The following ANKRD28 variants were observed in gnomAD, a reference collection of about 807,000 sequenced individuals.
ANKRD28 encodes the protein serine/threonine-protein phosphatase 6 regulatory ankyrin repeat subunit A.
Under a neutral mutation model 126.5 loss-of-function variants are expected in ANKRD28, and 44 were observed. That is an observed-to-expected ratio of 0.35 (90% CI 0.27 to 0.45). ANKRD28 has a LOEUF of 0.45. Among genes scored for constraint, ANKRD28 ranks in the 20% least tolerant of loss-of-function variants. ANKRD28 has a pLI of 1.00. For missense variants in ANKRD28, 1,110 were observed against 1,316.6 expected, an observed-to-expected ratio of 0.84 and a Z score of 2.43; for synonymous variants, 442 against 468.5, an observed-to-expected ratio of 0.94 and a Z score of 0.73.
chr3:15,761,042 C>T (rs1181058069), intron 3 of ANKRD28, among the ~76,000 whole-genome samples: 3 of 151,762 alleles, frequency 2.0e-5, no homozygotes, highest in Admixed American at 1.3e-4. Flanking sequence ...TAATCTCAAT[C>T]TTTCTATTTT....
intron 2 of ANKRD28, among the ~76,000 whole-genome samples, chr3:15,784,281 A>C (rs962423562): frequency 2.0e-5 from 3 of 152,054 alleles, no homozygotes; most frequent in Non-Finnish European, 4.4e-5. Flanking sequence ...TTTGTTCAAA[A>C]TAATGGCAGC....
rs920768782 is a variant in ANKRD28, at chr3:15,683,433, T to A, written c.2389+1793A>T. Reference sequence around the variant, plus strand: ...GTCTCTGGCCACTTCACTACACTCATTTCTACTTGCCTTAGCGAGTAGAAA... The same window carrying A: ...GTCTCTGGCCACTTCACTACACTCAATTCTACTTGCCTTAGCGAGTAGAAA... On this transcript the variant is annotated intron_variant, in intron 21 of 27. Coordinates refer to ENST00000683139, the MANE Select transcript of ANKRD28 (RefSeq NM_001349278.2). Among the ~76,000 whole-genome samples the A allele has an allele frequency of 2.6e-5, 4 of 152,310 alleles. No homozygotes were observed. The East Asian group carries it at 7.7e-4, about 29-fold the overall frequency.
At chr3:15,800,566 C>T (rs571081158), upstream of ANKRD28, among the ~76,000 whole-genome samples, 1 of 152,184 alleles carries the variant, frequency 6.6e-6, no homozygotes, top group Admixed American at 6.6e-5. Flanking sequence ...AGATTAATGT[C>T]TGGAGATCCC....
chr3:15,728,194 G>A (rs1369898411), intron 6 of ANKRD28, among the ~76,000 whole-genome samples: 5 of 151,728 alleles, frequency 3.3e-5, no homozygotes, highest in Non-Finnish European at 7.4e-5. Context: ...TAAGAACACT[G>A]AAAATTAATA....
At chr3:15,784,643 C>G (rs2059691541) in intron 2 of ANKRD28, among the ~76,000 whole-genome samples, 1 of 151,474 alleles carries the variant, frequency 6.6e-6, no homozygotes, top group Non-Finnish European at 1.5e-5. Flanking sequence ...AAATGATAAA[C>G]AGTAATCCAC....
rs903871832 is a variant in ANKRD28 at position 15,830,616 on chromosome 3, A to C, written c.27+28761T>G. Among the ~76,000 whole-genome samples the C allele has an allele frequency of 3.6e-4, 54 of 151,778 alleles. No homozygotes were observed. Among genetic ancestry groups the C allele is most frequent in the African/African-American group, 1.3e-3 (53 of 41,332 alleles). Reference sequence around the variant, plus strand: ...ATCCACGGAAAAATTGTCTTCCACGAAACTGGTCCCTGGTGCCAAAAACAC... The same window carrying C: ...ATCCACGGAAAAATTGTCTTCCACGCAACTGGTCCCTGGTGCCAAAAACAC... On this transcript the variant is annotated intron_variant, in intron 1 of 27. Transcript: ENST00000399451. This position sits in a 1 kb window ranked among gnomAD's most constrained non-coding sequence, Gnocchi z 4.5.
chr3:15,670,857 C>A (rs1413589870), intron 27 of ANKRD28, among the ~76,000 whole-genome samples: 5 of 152,056 alleles, frequency 3.3e-5, no homozygotes, highest in Non-Finnish European at 1.5e-5. Context: ...AAAAACTGGG[C>A]TAGAATAAGA....
rs960697776 is a variant in ANKRD28, at chr3:15,669,300, A to G, written c.*970T>C. The stretch of plus-strand genomic sequence containing the variant: ...CCCATGGTGGGGACACAAAAGTAAC[A>G]TAAGTGACTAAGGTGTGCCATTCAT... On this transcript the variant is annotated 3_prime_UTR_variant, in exon 28 of 28. Transcript: ENST00000683139. 2 of 152,218 alleles carry G rather than the reference A, an allele frequency of 1.3e-5. No homozygotes were observed. The highest frequency in any genetic ancestry group is 6.5e-5 in the Admixed American group (1 of 15,278). The allele number at this position is 152,218 out of a possible 1,614,324, so 9.4% of individuals were successfully genotyped here.
chr3:15,767,636 G>A (rs1219430322), intron 2 of ANKRD28, among the ~76,000 whole-genome samples: 16 of 141,928 alleles, frequency 1.1e-4, no homozygotes, highest in East Asian at 2.3e-4. Context: ...CTGAGGTGGC[G>A]GGTGGATCAC....
intron 5 of ANKRD28, 94 bp downstream of exon 5, chr3:15,736,939 T>C: frequency 8.0e-7 from 1 of 1,245,262 alleles, no homozygotes; most frequent in South Asian, 1.3e-5. Flanking sequence ...TAAATAGTTC[T>C]GTATGCCTTT....
rs1232833213 is a variant in ANKRD28, at chr3:15,803,898, T to C, written c.28-8592A>G. Among the ~76,000 whole-genome samples the C allele has an allele frequency of 4.1e-5, 6 of 144,982 alleles. 1 individual carries two copies. Among genetic ancestry groups the C allele is most frequent in the Non-Finnish European group, 8.9e-5 (6 of 67,124 alleles). On this transcript the variant is annotated intron_variant, in intron 1 of 27. Coordinates refer to the ANKRD28 transcript ENST00000399451. ...CCCATTATCTTAGCATCTACCCTCA[T>C]GACTTCTAAATGAAATGTTAAATCC...
intron 8 of ANKRD28, among the ~76,000 whole-genome samples, chr3:15,717,651 A>T (rs2073227131): frequency 6.6e-6 from 1 of 152,202 alleles, no homozygotes; most frequent in Admixed American, 6.5e-5. Flanking sequence ...TTAGGTTTAA[A>T]TTTCAAAACA....
At chr3:15,728,749 GT>G (rs2074369382) in intron 6 of ANKRD28, among the ~76,000 whole-genome samples, 1 of 152,130 alleles carries the variant, frequency 6.6e-6, no homozygotes, top group Admixed American at 6.5e-5. Context: ...TCTTGGGCTT[GT>G]TTCTTCAGAA....
In ANKRD28 at chr3:15,670,430, T is replaced by C. The variant is rs1230629747; in HGVS notation, c.3092A>G (p.Asn1031Ser). Residue 1031 changes from asparagine to serine, a missense_variant, in exon 28 of 28, where the codon AAC becomes AGC. Coordinates refer to ENST00000683139, the MANE Select transcript of ANKRD28 (RefSeq NM_001349278.2). ...PLSSLTFNAINRYTNTSKTVS... is the reference protein window; with the variant it reads ...PLSSLTFNAISRYTNTSKTVS... ...TGTTTTTGAGGTGTTGGTATAACGGTTAATGGCATTGAATGTTAAGGATGA... is the reference window on the plus strand; with the variant it reads ...TGTTTTTGAGGTGTTGGTATAACGGCTAATGGCATTGAATGTTAAGGATGA... 1 of 1,613,880 alleles carries C rather than the reference T, an allele frequency of 6.2e-7. No individual in the cohort carries two copies. The highest frequency in any genetic ancestry group is 2.2e-5 in the East Asian group (1 of 44,898).
chr3:15,726,227 A>T (rs754274453), intron 6 of ANKRD28, among the ~76,000 whole-genome samples: 3 of 152,176 alleles, frequency 2.0e-5, no homozygotes, highest in Non-Finnish European at 2.9e-5. Flanking sequence ...TTTAAATCAA[A>T]AGCTAGAAAT....
intron 4 of ANKRD28, among the ~76,000 whole-genome samples, chr3:15,744,318 TTTC>T (rs1418747191): frequency 2.6e-5 from 4 of 152,190 alleles, no homozygotes; most frequent in African/African-American, 7.2e-5. Context: ...TAGTTATCTT[TTTC>T]TTTTTTTTTT....
In ANKRD28 at chr3:15,797,577, G is replaced by GA; in HGVS notation, c.-1057dup. 2 of 983,482 alleles carry GA rather than the reference G, an allele frequency of 2.0e-6. No individual in the cohort carries two copies. The highest frequency in any genetic ancestry group is 2.4e-6 in the Non-Finnish European group (2 of 828,608). 60.9% of individuals were successfully genotyped at this position (983,482 alleles called of 1,614,324 possible). A position where few individuals can be genotyped will look rare whatever the true frequency, so the allele number is the denominator to read the frequency against. The stretch of plus-strand genomic sequence containing the variant: ...TTTCTTTAAAAAAAAAAAGGGGGGG[G>GA]AAAAACATAGTAGTGTATCATTCCA... On this transcript the variant is annotated 5_prime_UTR_variant, in exon 1 of 28. An upstream open reading frame in the 5' UTR loses its in-frame stop. Coordinates refer to ENST00000683139, the MANE Select transcript of ANKRD28 (RefSeq NM_001349278.2).
At chr3:15,759,266 C>A (rs1430263396) in intron 3 of ANKRD28, among the ~76,000 whole-genome samples, 1 of 152,044 alleles carries the variant, frequency 6.6e-6, no homozygotes, top group Admixed American at 6.6e-5. Context: ...CTTTTACTAG[C>A]AGTATAAAAA....
chr3:15,767,529 A>C (rs891305656), intron 2 of ANKRD28, among the ~76,000 whole-genome samples: 2 of 151,904 alleles, frequency 1.3e-5, no homozygotes, highest in African/African-American at 4.8e-5. Context: ...GTGGAAATTA[A>C]TAATGGGCAC....
Sources: allele counts gnomAD v4.1 joint callset (sites outside exome capture counted in the v4.1 genomes callset), GRCh38; gene constraint gnomAD v4.1.1; non-coding constraint Gnocchi (gnomAD v3.1); transcripts MANE v1.5; gene names NCBI Gene and HGNC (gene_info 2026-07-23, HGNC 2026-07-21).